Variants in C13orf46 observed in about 807,000 individuals in gnomAD.
C13orf46 encodes chromosome 13 open reading frame 46.
At chr13:113,946,195 G>A in the C13orf46 span, among the ~76,000 whole-genome samples, 1 of 152,186 alleles carries the variant, frequency 6.6e-6, no homozygotes, top group Non-Finnish European at 1.5e-5. Context: ...GCTCCCCAGC[G>A]GAGACCCTCA....
At chr13:113,963,033 G>A (rs1473068178) in intron 6 of C13orf46, among the ~76,000 whole-genome samples, 6 of 152,188 alleles carry the variant, frequency 3.9e-5, no homozygotes, top group African/African-American at 1.2e-4. Context: ...AGCAGGTAGC[G>A]CAGGTAGGGC....
the C13orf46 span, among the ~76,000 whole-genome samples, chr13:113,932,871 A>AT: frequency 1.5e-3 from 225 of 148,456 alleles, 1 homozygote; most frequent in Admixed American, 5.3e-3. Context: ...ACCTATTACA[A>AT]TTTTTTTTTT....
chr13:113,973,463 C>G (rs2052730009), intron 1 of C13orf46, among the ~76,000 whole-genome samples: 1 of 152,146 alleles, frequency 6.6e-6, no homozygotes, highest in Non-Finnish European at 1.5e-5. Flanking sequence ...ATTGTGTGTT[C>G]AGTGAAAGGC....
the C13orf46 span, chr13:113,926,556 G>A: frequency 1.0e-3 from 157 of 152,306 alleles, 2 homozygotes; most frequent in East Asian, 0.013. Context: ...TATCCAAAAC[G>A]GACAAATCCA....
rs941026097 is a variant in C13orf46 at position 113,956,138 on chromosome 13, G to A, written c.*635C>T. 1 of 155,484 alleles carries A rather than the reference G, an allele frequency of 6.4e-6. No individual in the cohort carries two copies. The highest frequency in any genetic ancestry group is 2.5e-5 in the African/African-American group (1 of 40,402). The allele number at this position is 155,484 out of a possible 1,614,324, so 9.6% of individuals were successfully genotyped here. A position where few individuals can be genotyped will look rare whatever the true frequency, so the allele number is the denominator to read the frequency against. ...AGGAGTAGGATCTGGCGGAGAGGAG[G>A]AGTAGTATTTGGCGAAGAGGAGGAG... On this transcript the variant is annotated 3_prime_UTR_variant, in exon 7 of 7. Transcript: ENST00000636427.
At chr13:113,932,499 G>A in the C13orf46 span, among the ~76,000 whole-genome samples, 4 of 152,178 alleles carry the variant, frequency 2.6e-5, no homozygotes, top group South Asian at 4.1e-4. Context: ...ATCGTCTTGC[G>A]TGCTTCTGTC....
intron 1 of C13orf46, among the ~76,000 whole-genome samples, chr13:113,970,655 C>T (rs1461475092): frequency 6.6e-6 from 1 of 152,260 alleles, no homozygotes; most frequent in Non-Finnish European, 1.5e-5. Flanking sequence ...CCCAGGCTTC[C>T]TCTCACGGAC....
chr13:113,962,222 C>T (rs36181115), intron 6 of C13orf46, among the ~76,000 whole-genome samples: 45,552 of 151,910 alleles, frequency 0.3, 7,695 homozygotes, highest in East Asian at 0.45. Flanking sequence ...GCTAACACGG[C>T]GAAACCCTGG....
chr13:113,958,038 C>A lies in C13orf46; in HGVS notation c.573-1199G>T, dbSNP rs1289284616. Among the ~76,000 whole-genome samples the A allele has an allele frequency of 2.7e-5, 4 of 145,548 alleles. No homozygotes were observed. In the East Asian group the frequency reaches 8.5e-4, roughly 31 times the overall value. On this transcript the variant is annotated intron_variant, in intron 6 of 6. Transcript: ENST00000636427. ...GGATCTCCCCTACACTCTGCCTGCACCCCTTTCATCAAGTGCACCGGGGGG... is the reference window on the plus strand; with the variant it reads ...GGATCTCCCCTACACTCTGCCTGCAACCCTTTCATCAAGTGCACCGGGGGG...
chr13:113,961,810 A>C (rs2052589046), intron 6 of C13orf46, among the ~76,000 whole-genome samples: 1 of 152,000 alleles, frequency 6.6e-6, no homozygotes. Context: ...GGAACTATGA[A>C]GTGTGCAGAG....
At position 113,955,994 on chromosome 13, in the gene C13orf46, A is replaced by AGAGGAGGAGTAGGATCTGGAG. The variant is rs2052527974; in HGVS notation, c.*778_*779insCTCCAGATCCTACTCCTCCTC. On this transcript the variant is annotated 3_prime_UTR_variant, in exon 7 of 7. Transcript: ENST00000636427. ...GCGGAGACGAGGAGTAGGATCTGGC[A>AGAGGAGGAGTAGGATCTGGAG]GAGAGGAGGAGTAGGATCTGGCGGA... 7.1e-6 allele frequency: 1 copy of AGAGGAGGAGTAGGATCTGGAG among 139,988 alleles called. No individual in the cohort carries two copies. The highest frequency in any genetic ancestry group is 2.3e-4 in the East Asian group (1 of 4,370). 8.7% of individuals were successfully genotyped at this position (139,988 alleles called of 1,614,324 possible). A position where few individuals can be genotyped will look rare whatever the true frequency, so the allele number is the denominator to read the frequency against.
chr13:113,948,638 G>A, the C13orf46 span, among the ~76,000 whole-genome samples: 13 of 152,128 alleles, frequency 8.5e-5, no homozygotes, highest in African/African-American at 2.4e-4. Context: ...TCAGTGGAGC[G>A]CTGAACCTCA....
At chr13:113,931,510 G>A in the C13orf46 span, among the ~76,000 whole-genome samples, 1 of 152,208 alleles carries the variant, frequency 6.6e-6, no homozygotes, top group East Asian at 1.9e-4. Flanking sequence ...CCCTCGGGCT[G>A]GTGGGGATGA....
the C13orf46 span, among the ~76,000 whole-genome samples, chr13:113,934,945 G>A: frequency 6.6e-6 from 1 of 152,242 alleles, no homozygotes; most frequent in Non-Finnish European, 1.5e-5. Flanking sequence ...GTGAGGACGA[G>A]GTATTGGCCC....
chr13:113,969,296 C>T (rs1227914906), intron 2 of C13orf46, among the ~76,000 whole-genome samples: 1 of 152,266 alleles, frequency 6.6e-6, no homozygotes, highest in East Asian at 1.9e-4. Context: ...ATGGCGTTGA[C>T]TTGGCCGAGG....
chr13:113,933,101 A>G, the C13orf46 span, among the ~76,000 whole-genome samples: 7 of 152,250 alleles, frequency 4.6e-5, no homozygotes, highest in African/African-American at 1.7e-4. Context: ...CTGACCTCAA[A>G]TGATCCACCT....
Position 113,955,499 on chromosome 13 carries a change from G to C in C13orf46, c.*1274C>G, listed in dbSNP as rs2052519693. ...CGGAGGAGCATCTGGCGGAGACGAG[G>C]AGCATCTCGTGGAGCGGAGGAGCAT... On this transcript the variant is annotated 3_prime_UTR_variant, in exon 7 of 7. Coordinates refer to ENST00000636427, the MANE Select transcript of C13orf46 (RefSeq NM_001365455.2). 1 of 162,662 alleles carries C rather than the reference G, an allele frequency of 6.1e-6. No homozygotes were observed. The highest frequency in any genetic ancestry group is 1.3e-5 in the Non-Finnish European group (1 of 75,944). 10.1% of individuals were successfully genotyped at this position (162,662 alleles called of 1,614,324 possible).
chr13:113,971,301 G>A (rs1171769429), intron 1 of C13orf46, among the ~76,000 whole-genome samples: 1 of 152,220 alleles, frequency 6.6e-6, no homozygotes, highest in Non-Finnish European at 1.5e-5. Flanking sequence ...AGAGTCACAT[G>A]GGCCACTCCA....
downstream of C13orf46, among the ~76,000 whole-genome samples, chr13:113,949,667 G>A (rs972213335): frequency 5.9e-5 from 9 of 152,346 alleles, no homozygotes; most frequent in South Asian, 1.2e-3. Context: ...CCTCACACCC[G>A]CAGATGCCCC....
Sources: allele counts gnomAD v4.1 joint callset (sites outside exome capture counted in the v4.1 genomes callset), GRCh38; gene constraint gnomAD v4.1.1; transcripts MANE v1.5; gene names NCBI Gene and HGNC (gene_info 2026-07-23, HGNC 2026-07-21).